The following SYT1 variants were observed in gnomAD, a reference collection of about 807,000 sequenced individuals.
The protein encoded by SYT1 is synaptotagmin-1.
Under a neutral mutation model 44.8 loss-of-function variants are expected in SYT1, and 8 were observed. The observed-to-expected ratio is 0.18, with a 90% CI of 0.10 to 0.32. SYT1 has a LOEUF of 0.32. Ranked by LOEUF, SYT1 falls within the 10% of genes least tolerant of loss-of-function variation. The probability of loss-of-function intolerance (pLI) is 1.00; values close to 1 mark genes in which losing one functional copy is unlikely to be tolerated. For synonymous variants in SYT1, 154 were observed against 188.8 expected, an observed-to-expected ratio of 0.82 and a Z score of 1.51; for missense variants, 286 against 509.3, an observed-to-expected ratio of 0.56 and a Z score of 4.22.
intron 8 of SYT1, among the ~76,000 whole-genome samples, chr12:79,323,948 C>CTTTTTT (rs56962075): frequency 5.7e-4 from 64 of 112,584 alleles, no homozygotes; most frequent in Non-Finnish European, 6.4e-4. Context: ...TTTCTATTTT[C>CTTTTTT]TTTTTTTTTT....
intron 3 of SYT1, among the ~76,000 whole-genome samples, chr12:79,071,936 C>T (rs1439881835): frequency 6.6e-6 from 1 of 152,072 alleles, no homozygotes; most frequent in Non-Finnish European, 1.5e-5. Context: ...AGGCACAATT[C>T]AACACAAAAC....
chr12:79,041,794 G>A (rs917150663), intron 2 of SYT1, among the ~76,000 whole-genome samples: 85 of 151,462 alleles, frequency 5.6e-4, no homozygotes, highest in Non-Finnish European at 2.4e-4. Flanking sequence ...TTTGAAATAC[G>A]TCCCATCAAT....
intron 1 of SYT1, among the ~76,000 whole-genome samples, chr12:78,923,719 G>A (rs1240961733): frequency 6.6e-6 from 1 of 150,648 alleles, no homozygotes; most frequent in Non-Finnish European, 1.5e-5. Flanking sequence ...CTGTGTGTGT[G>A]TATATGTGTG....
chr12:79,441,769 T>C (rs1870436076), intron 9 of SYT1, among the ~76,000 whole-genome samples: 1 of 152,172 alleles, frequency 6.6e-6, no homozygotes, highest in Non-Finnish European at 1.5e-5. Context: ...CTGCCTTCAT[T>C]GTTTCTCAAA....
intron 1 of SYT1, among the ~76,000 whole-genome samples, chr12:78,973,380 TG>T (rs1052481190): frequency 7.2e-5 from 11 of 152,250 alleles, no homozygotes; most frequent in African/African-American, 2.6e-4. Context: ...TTGTTTCTTT[TG>T]GTCAACATCT....
At chr12:79,388,322 C>A (rs1884518772) in intron 9 of SYT1, among the ~76,000 whole-genome samples, 1 of 152,164 alleles carries the variant, frequency 6.6e-6, no homozygotes, top group African/African-American at 2.4e-5. Flanking sequence ...TATATACACA[C>A]AGACTTTTTC....
intron 3 of SYT1, among the ~76,000 whole-genome samples, chr12:79,095,202 AAAT>A (rs1194127511): frequency 1.3e-5 from 2 of 151,972 alleles, no homozygotes; most frequent in African/African-American, 4.8e-5. Flanking sequence ...AATTCAAAAC[AAAT>A]AATTCAAATA....
chr12:79,286,070 A>G (rs1210176513), intron 5 of SYT1, 99 bp downstream of exon 5: 1 of 1,338,926 alleles, frequency 7.5e-7, no homozygotes, highest in Admixed American at 2.9e-5. Flanking sequence ...CAACTTCTGG[A>G]CCCATATCGT....
intron 4 of SYT1, among the ~76,000 whole-genome samples, chr12:79,273,815 A>G (rs535898704): frequency 2.0e-5 from 3 of 152,320 alleles, no homozygotes; most frequent in Non-Finnish European, 2.9e-5. Flanking sequence ...GTGGGGCGTG[A>G]TGGCTCACGC....
chr12:79,217,788 T>C, intron 4 of SYT1, 103 bp downstream of exon 4: 1 of 871,936 alleles, frequency 1.1e-6, no homozygotes, highest in Non-Finnish European at 1.6e-6. Flanking sequence ...TAAATTTACA[T>C]TTAATTTATT....
intron 8 of SYT1, among the ~76,000 whole-genome samples, chr12:79,344,203 A>G (rs1322607969): frequency 1.3e-5 from 2 of 152,160 alleles, no homozygotes; most frequent in African/African-American, 4.8e-5. Context: ...CCTGTTTCAA[A>G]TTGCTATCCT....
intron 3 of SYT1, among the ~76,000 whole-genome samples, chr12:79,132,268 G>C (rs1868874134): frequency 6.6e-6 from 1 of 152,006 alleles, no homozygotes; most frequent in Admixed American, 6.6e-5. Context: ...GACCAACAAG[G>C]TGAAACCCCG....
intron 8 of SYT1, among the ~76,000 whole-genome samples, chr12:79,328,833 G>A (rs1185855820): frequency 4.1e-5 from 6 of 145,046 alleles, no homozygotes; most frequent in Admixed American, 7.1e-5. Context: ...GCGACAGAGC[G>A]AGACTCCATC....
intron 8 of SYT1, among the ~76,000 whole-genome samples, chr12:79,332,247 C>T (rs1881888121): frequency 6.6e-6 from 1 of 152,186 alleles, no homozygotes; most frequent in African/African-American, 2.4e-5. Flanking sequence ...CATACATTTG[C>T]AGATAAACTA....
chr12:79,142,145 T>C (rs1178773868), intron 3 of SYT1, among the ~76,000 whole-genome samples: 2 of 152,160 alleles, frequency 1.3e-5, no homozygotes, highest in East Asian at 1.9e-4. Context: ...TGTCAGATCA[T>C]TGCTGAATGA....
At chr12:79,299,605 C>T in intron 8 of SYT1, 54 bp downstream of exon 8, 4 of 1,581,998 alleles carry the variant, frequency 2.5e-6, no homozygotes, top group Admixed American at 1.8e-5. Context: ...CCAGTTGCTG[C>T]TCATATAATA....
At chr12:79,342,962 C>G (rs1882444479) in intron 8 of SYT1, among the ~76,000 whole-genome samples, 1 of 152,068 alleles carries the variant, frequency 6.6e-6, no homozygotes, top group African/African-American at 2.4e-5. Context: ...ATAACTAAAA[C>G]CATATACTGG....
chr12:79,053,944 G>A (rs1874736240), intron 3 of SYT1, among the ~76,000 whole-genome samples: 1 of 151,976 alleles, frequency 6.6e-6, no homozygotes, highest in African/African-American at 2.4e-5. Context: ...CCACACATAA[G>A]CCTAAGAGAG....
chr12:79,364,617 T>TA (rs1443047257), intron 9 of SYT1, among the ~76,000 whole-genome samples: 3 of 152,108 alleles, frequency 2.0e-5, no homozygotes, highest in African/African-American at 4.8e-5. Context: ...TTATTTAACT[T>TA]AAAAAAAGAA....
Sources: gnomAD v4.1 joint callset for allele counts (sites outside exome capture counted in the v4.1 genomes callset) on GRCh38, gnomAD v4.1.1 for gene constraint, MANE v1.5 for transcripts, NCBI Gene and HGNC (gene_info 2026-07-23, HGNC 2026-07-21) for gene names.